Variants in UBN2 observed in about 807,000 individuals in gnomAD.
The protein encoded by UBN2 is ubinuclein 2.
UBN2 carries 35 observed loss-of-function variants against 120.2 expected under a neutral mutation model. The observed-to-expected ratio is 0.29, with a 90% CI of 0.22 to 0.39. The LOEUF (loss-of-function observed/expected upper bound fraction) is 0.39, where lower values mean the gene tolerates loss of function less well. UBN2 is among the 10% of genes least tolerant of loss of function. UBN2 has a pLI of 1.00. For missense variants in UBN2, 1,693 were observed against 1,663.2 expected (o/e 1.02, Z -0.31); for synonymous variants, 661 against 648.7 (o/e 1.02, Z -0.29).
chr7:139,258,404 C>A, intron 3 of UBN2, 84 bp from the exon 4 acceptor site: 2 of 1,117,990 alleles, frequency 1.8e-6, no homozygotes, highest in Non-Finnish European at 2.4e-6. Flanking sequence ...AAGGGAGATG[C>A]TGCCATGGTG....
At chr7:139,236,290 G>A (rs1796161235) in intron 1 of UBN2, among the ~76,000 whole-genome samples, 1 of 152,042 alleles carries the variant, frequency 6.6e-6, no homozygotes, top group Non-Finnish European at 1.5e-5. Context: ...TAATCTTTTT[G>A]CAGCTATTTC....
chr7:139,297,384 A>G (rs1563230912), intron 17 of UBN2, among the ~76,000 whole-genome samples: 1 of 150,718 alleles, frequency 6.6e-6, no homozygotes, highest in African/African-American at 2.5e-5. Context: ...TATTTCACTT[A>G]CAAAAAAAAA....
At position 139,299,410 on chromosome 7, in the gene UBN2, T is replaced by C. The variant is rs1234936329; in HGVS notation, c.*1574T>C. 6.6e-6 allele frequency: 1 copy of C among 152,188 alleles called. No individual in the cohort carries two copies. Among genetic ancestry groups the C allele is most frequent in the African/African-American group, 2.4e-5 (1 of 41,460 alleles). 9.4% of individuals were successfully genotyped at this position (152,188 alleles called of 1,614,324 possible). A position where few individuals can be genotyped will look rare whatever the true frequency, so the allele number is the denominator to read the frequency against. On this transcript the variant is annotated 3_prime_UTR_variant, in exon 18 of 18. Coordinates refer to ENST00000473989, the MANE Select transcript of UBN2 (RefSeq NM_173569.4). The stretch of plus-strand genomic sequence containing the variant: ...AGAGTATTAACCAGGCCCTTTTTTC[T>C]TTTATACACAAAAGTCCCAGATACC...
intron 1 of UBN2, 40 bp downstream of exon 1, chr7:139,231,992 C>G: frequency 6.4e-7 from 1 of 1,557,366 alleles, no homozygotes; most frequent in Non-Finnish European, 8.7e-7. Context: ...ACCCCGGGAG[C>G]CTCAGGACCC....
chr7:139,290,785 A>G (rs767607302), intron 15 of UBN2, among the ~76,000 whole-genome samples: 1 of 152,184 alleles, frequency 6.6e-6, no homozygotes, highest in Non-Finnish European at 1.5e-5. Context: ...AACCAGGAAG[A>G]AGGCTGCTTG....
At chr7:139,280,259 G>T (rs1001546772) in intron 13 of UBN2, among the ~76,000 whole-genome samples, 2 of 152,136 alleles carry the variant, frequency 1.3e-5, no homozygotes, top group Non-Finnish European at 2.9e-5. Flanking sequence ...CCCTAAGACG[G>T]ACAAGTAGTG....
At chr7:139,276,652 C>T (rs911298506) in intron 12 of UBN2, 2 of 154,330 alleles carry the variant, frequency 1.3e-5, no homozygotes, top group Non-Finnish European at 2.9e-5. Flanking sequence ...CCACATACAA[C>T]AAAAAGGCAA....
the UBN2 span, among the ~76,000 whole-genome samples, chr7:139,329,581 G>GT: frequency 6.6e-6 from 1 of 152,116 alleles, no homozygotes; most frequent in South Asian, 2.1e-4. Flanking sequence ...AGGAGAGAAG[G>GT]TTGTTCCATT....
chr7:139,328,250 A>T, the UBN2 span, among the ~76,000 whole-genome samples: 12 of 152,222 alleles, frequency 7.9e-5, no homozygotes, highest in Non-Finnish European at 1.6e-4. Flanking sequence ...GGTGAAGAAG[A>T]AGCAAGGCAT....
chr7:139,233,461 C>T (rs1344740283), intron 1 of UBN2, among the ~76,000 whole-genome samples: 1 of 152,064 alleles, frequency 6.6e-6, no homozygotes, highest in Non-Finnish European at 1.5e-5. Flanking sequence ...ATAGCAATAA[C>T]GACATTTACT....
chr7:139,253,745 T>C (rs1796682117), intron 3 of UBN2, among the ~76,000 whole-genome samples: 1 of 152,252 alleles, frequency 6.6e-6, no homozygotes, highest in Admixed American at 6.5e-5. Flanking sequence ...TGTATGTTCT[T>C]CCATTCTTGT....
intron 12 of UBN2, chr7:139,276,718 A>G (rs1797452928): frequency 6.5e-6 from 1 of 152,692 alleles, no homozygotes; most frequent in African/African-American, 2.4e-5. Context: ...GAACAGTTTC[A>G]TTTTTCCCTA....
the UBN2 span, among the ~76,000 whole-genome samples, chr7:139,324,529 C>T: frequency 1.6e-5 from 2 of 124,710 alleles, no homozygotes; most frequent in Non-Finnish European, 3.1e-5. Context: ...GCACTCCAGC[C>T]TGGGAGACAG....
At chr7:139,240,957 T>C (rs911473073) in intron 2 of UBN2, among the ~76,000 whole-genome samples, 3 of 152,360 alleles carry the variant, frequency 2.0e-5, no homozygotes, top group Non-Finnish European at 2.9e-5. Context: ...CAGATTCGTC[T>C]TGATGGTTAG....
At chr7:139,285,238 G>A (rs1355966189) in intron 15 of UBN2, among the ~76,000 whole-genome samples, 2 of 152,136 alleles carry the variant, frequency 1.3e-5, no homozygotes, top group African/African-American at 4.8e-5. Context: ...CGGGCATGGT[G>A]GCTCGTGTCT....
intron 15 of UBN2, among the ~76,000 whole-genome samples, chr7:139,285,014 C>G (rs1349258798): frequency 1.3e-5 from 2 of 152,136 alleles, no homozygotes; most frequent in Admixed American, 6.5e-5. Flanking sequence ...TCTTATTTTT[C>G]AATCAAATTT....
At chr7:139,269,545 T>C (rs1186954411) in intron 8 of UBN2, 22 bp downstream of exon 8, 1 of 1,611,944 alleles carries the variant, frequency 6.2e-7, no homozygotes, top group Non-Finnish European at 8.5e-7. Context: ...AACAATAATA[T>C]CTACATCTTG....
chr7:139,284,910 T>G (rs1403983296), intron 15 of UBN2, among the ~76,000 whole-genome samples: 1 of 152,184 alleles, frequency 6.6e-6, no homozygotes, highest in Non-Finnish European at 1.5e-5. Context: ...TATTTCAAAC[T>G]TTCTCTCTTA....
At chr7:139,294,745 G>A (rs1798062614) in intron 17 of UBN2, among the ~76,000 whole-genome samples, 1 of 152,166 alleles carries the variant, frequency 6.6e-6, no homozygotes, top group South Asian at 2.1e-4. Flanking sequence ...GGAGGCTGGG[G>A]CAGAAGATTT....
Sources: gnomAD v4.1 joint callset for allele counts (sites outside exome capture counted in the v4.1 genomes callset) on GRCh38, gnomAD v4.1.1 for gene constraint, MANE v1.5 for transcripts, NCBI Gene and HGNC (gene_info 2026-07-23, HGNC 2026-07-21) for gene names.